DLGAP1: variants seen among roughly 807,000 people sequenced by gnomAD.
DLGAP1 encodes DLG associated protein 1.
Under a neutral mutation model 90.8 loss-of-function variants are expected in DLGAP1, and 11 were observed. The observed-to-expected ratio is 0.12, with a 90% confidence interval of 0.08 to 0.20. DLGAP1 has a LOEUF of 0.20. Among genes scored for constraint, DLGAP1 ranks in the 10% least tolerant of loss-of-function variants. The pLI is 1.00. For synonymous variants in DLGAP1, 558 were observed against 540.7 expected (o/e 1.03, Z -0.44); for missense variants, 1,050 against 1,333.8 (o/e 0.79, Z 3.31).
chr18:3,952,600 G>A (rs967369727), intron 3 of DLGAP1, among the ~76,000 whole-genome samples: 7 of 152,204 alleles, frequency 4.6e-5, no homozygotes, highest in Admixed American at 1.3e-4. Flanking sequence ...ACACAGAAGA[G>A]CATGCTGAGG....
chr18:3,627,986 C>T (rs1314956874), intron 7 of DLGAP1, among the ~76,000 whole-genome samples: 1 of 145,798 alleles, frequency 6.9e-6, no homozygotes, highest in Non-Finnish European at 1.5e-5. Flanking sequence ...TCCAGTGATT[C>T]TCCTGCCACA....
chr18:4,197,209 G>GA (rs1355037860), intron 1 of DLGAP1, among the ~76,000 whole-genome samples: 14 of 107,658 alleles, frequency 1.3e-4, no homozygotes, highest in African/African-American at 4.0e-4. Context: ...AAAAAAAAAA[G>GA]AAAAAAAAAG....
chr18:4,442,452 G>A (rs1256600897), intron 1 of DLGAP1, among the ~76,000 whole-genome samples: 1 of 152,082 alleles, frequency 6.6e-6, no homozygotes, highest in South Asian at 2.1e-4. Context: ...TAGAAAATAC[G>A]CCCTATGCTA....
In DLGAP1 at chr18:3,664,698, C is replaced by T. The variant is rs117573975; in HGVS notation, c.1591+64437G>A. On this transcript the variant is annotated intron_variant, in intron 7 of 12. Coordinates refer to ENST00000315677, the MANE Select transcript of DLGAP1 (RefSeq NM_004746.4). ...GTTATCTCTGTGATTATTTGATTGA[C>T]GCTAGTCTCTACCCCTAGATGGTAA... 2.8e-4 allele frequency among the ~76,000 whole-genome samples: 43 copies of T among 152,292 alleles called. No individual in the cohort carries two copies. The East Asian group carries it at 7.7e-3, about 27-fold the overall frequency.
At chr18:4,243,761 G>T (rs1161804031) in intron 1 of DLGAP1, among the ~76,000 whole-genome samples, 1 of 152,170 alleles carries the variant, frequency 6.6e-6, no homozygotes, top group Non-Finnish European at 1.5e-5. Context: ...TAAGGAAAGT[G>T]GGATGTTTCA....
At chr18:3,828,379 C>A (rs535027677) in intron 4 of DLGAP1, among the ~76,000 whole-genome samples, 3 of 152,176 alleles carry the variant, frequency 2.0e-5, no homozygotes, top group Non-Finnish European at 4.4e-5. Flanking sequence ...GTGGCTCACG[C>A]CTGTAATCCC....
intron 3 of DLGAP1, among the ~76,000 whole-genome samples, chr18:3,915,501 A>C (rs1411108132): frequency 1.3e-5 from 2 of 152,208 alleles, no homozygotes; most frequent in Non-Finnish European, 2.9e-5. Context: ...ACAAAGATGG[A>C]AGCTGCTAAT....
intron 3 of DLGAP1, among the ~76,000 whole-genome samples, chr18:3,961,785 G>C (rs1373167547): frequency 6.6e-6 from 1 of 152,184 alleles, no homozygotes. Context: ...CCCACAAGTG[G>C]GGCAAGGGGA....
At chr18:3,878,857 G>A (rs1391451184) in intron 4 of DLGAP1, among the ~76,000 whole-genome samples, 1 of 152,098 alleles carries the variant, frequency 6.6e-6, no homozygotes, top group Non-Finnish European at 1.5e-5. Context: ...CATAATAACT[G>A]GTTGCCTTTC....
chr18:3,583,163 TACCTA>T (rs1568240476), intron 7 of DLGAP1, among the ~76,000 whole-genome samples: 3 of 136,886 alleles, frequency 2.2e-5, no homozygotes, highest in African/African-American at 8.0e-5. Context: ...CCTACCTACC[TACCTA>T]CCTACCTACC....
intron 1 of DLGAP1, among the ~76,000 whole-genome samples, chr18:4,325,374 GA>G (rs1423731360): frequency 6.6e-6 from 1 of 151,856 alleles, no homozygotes; most frequent in Non-Finnish European, 1.5e-5. Flanking sequence ...ACAAACAAAT[GA>G]AAAAACATCC....
chr18:4,218,675 T>TTCAA (rs1338741065), intron 1 of DLGAP1, among the ~76,000 whole-genome samples: 1 of 151,948 alleles, frequency 6.6e-6, no homozygotes, highest in Non-Finnish European at 1.5e-5. Flanking sequence ...CGTCTATGAA[T>TTCAA]TCAACTTTTT....
rs539559799 is a variant in DLGAP1 at position 4,188,118 on chromosome 18, C to T, written c.-266-36831G>A. Among the ~76,000 whole-genome samples, 108 of 152,118 alleles carry T rather than the reference C, an allele frequency of 7.1e-4. 1 individual carries two copies. Among genetic ancestry groups the T allele is most frequent in the African/African-American group, 2.5e-3 (103 of 41,486 alleles). On this transcript the variant is annotated intron_variant, in intron 1 of 12. Transcript: ENST00000315677. ...ATTGGCATCTGATTATCTTTCCCTC[C>T]TTGTTTTTGGTGATAAAATTTCAAA... is the stretch of plus-strand genomic sequence containing the variant.
At chr18:3,808,848 C>T (rs912293742) in intron 5 of DLGAP1, among the ~76,000 whole-genome samples, 1 of 152,078 alleles carries the variant, frequency 6.6e-6, no homozygotes, top group African/African-American at 2.4e-5. Flanking sequence ...AAAAGAGACT[C>T]CAGCAAGAGG....
chr18:4,156,491 T>C (rs73941227), intron 1 of DLGAP1, among the ~76,000 whole-genome samples: 9,768 of 152,258 alleles, frequency 0.064, 828 homozygotes, highest in East Asian at 0.25. Flanking sequence ...GATTATGTTA[T>C]CTTTCTGTGA....
chr18:3,922,444 G>A lies in DLGAP1; in HGVS notation c.-72-42304C>T, dbSNP rs116260295. 8.8e-3 allele frequency among the ~76,000 whole-genome samples: 1,343 copies of A among 152,180 alleles called. 12 individuals carry two copies. The highest frequency in any genetic ancestry group is 0.026 in the African/African-American group (1,071 of 41,532). ...TGAAATGCTCATGTATTACTCTCTA[G>A]GGATAAAGGAAAAATAAAGCTACAA... is the stretch of plus-strand genomic sequence containing the variant. On this transcript the variant is annotated intron_variant, in intron 3 of 12. Transcript: ENST00000315677.
intron 7 of DLGAP1, among the ~76,000 whole-genome samples, chr18:3,628,862 G>T (rs1306093177): frequency 2.6e-5 from 4 of 152,106 alleles, no homozygotes; most frequent in African/African-American, 9.7e-5. Flanking sequence ...TCATTGCATG[G>T]AAATAAACAA....
At chr18:3,857,709 T>C (rs1007914769) in intron 4 of DLGAP1, among the ~76,000 whole-genome samples, 7 of 152,192 alleles carry the variant, frequency 4.6e-5, no homozygotes, top group Non-Finnish European at 8.8e-5. Context: ...GCCCAGGAAG[T>C]TGGCTTGTGA....
chr18:4,364,871 A>G (rs1159939958), intron 1 of DLGAP1, among the ~76,000 whole-genome samples: 1 of 152,074 alleles, frequency 6.6e-6, no homozygotes, highest in Non-Finnish European at 1.5e-5. Context: ...GTTCTCATTC[A>G]TTTCGAAGAA....
Sources: gnomAD v4.1 joint callset for allele counts (sites outside exome capture counted in the v4.1 genomes callset) on GRCh38, gnomAD v4.1.1 for gene constraint, MANE v1.5 for transcripts, NCBI Gene and HGNC (gene_info 2026-07-23, HGNC 2026-07-21) for gene names.